TOPAZ1: variants seen among roughly 807,000 people sequenced by gnomAD.
The protein encoded by TOPAZ1 is protein TOPAZ1.
A neutral mutation model predicts 172.2 loss-of-function variants in TOPAZ1; 66 were observed. The observed-to-expected ratio is 0.38, with a 90% CI of 0.31 to 0.47. The LOEUF (loss-of-function observed/expected upper bound fraction) is 0.47, where lower values mean the gene tolerates loss of function less well. TOPAZ1 is among the 20% of genes least tolerant of loss of function. The probability of loss-of-function intolerance (pLI) is 0.99; values close to 1 mark genes in which losing one functional copy is unlikely to be tolerated. For missense variants in TOPAZ1, 1,822 were observed against 1,972.4 expected (o/e 0.92, Z 1.44); for synonymous variants, 681 against 683.9 (o/e 1.00, Z 0.07).
intron 16 of TOPAZ1, among the ~76,000 whole-genome samples, chr3:44,320,547 A>G (rs1403175250): frequency 1.3e-5 from 2 of 152,146 alleles, no homozygotes; most frequent in South Asian, 2.1e-4. Context: ...GCAGTGAGCC[A>G]AGATTGCGCC....
At chr3:44,308,468 T>TA (rs1186372596) in intron 15 of TOPAZ1, among the ~76,000 whole-genome samples, 1 of 152,212 alleles carries the variant, frequency 6.6e-6, no homozygotes, top group African/African-American at 2.4e-5. Context: ...CATCCTTTTT[T>TA]ATGGCTGCAT....
intron 18 of TOPAZ1, among the ~76,000 whole-genome samples, chr3:44,327,664 G>A (rs1404270993): frequency 6.6e-6 from 1 of 151,754 alleles, no homozygotes; most frequent in Non-Finnish European, 1.5e-5. Context: ...GTTTACTGTG[G>A]CTTGAAATAA....
rs1699518985 is a variant in TOPAZ1 at position 44,243,682 on chromosome 3, G to A, written c.1176G>A (p.Met392Ile). The A allele has an allele frequency of 6.5e-7, 1 of 1,549,810 alleles. No homozygotes were observed. The highest frequency in any genetic ancestry group is 1.4e-5 in the African/African-American group (1 of 72,916). ...RKVSHNTVSL[M>I]DHLLSVPETV... is the part of the protein sequence containing the mutation. ...TAAGCCATAATACAGTCTCTTTGAT[G>A]GATCATTTATTAAGTGTCCCAGAAA... is the stretch of plus-strand genomic sequence containing the variant. The change falls in exon 2 of 20, where the codon ATG becomes ATA. Residue 392 changes from methionine (M) to isoleucine (I), a missense_variant. This residue lies in a region of TOPAZ1 where 1,489 missense variants were observed against 1,490.8 expected (regional missense o/e 1.00). Coordinates refer to ENST00000309765, the MANE Select transcript of TOPAZ1 (RefSeq NM_001145030.2).
chr3:44,335,846 A>G (rs924779911), downstream of TOPAZ1, among the ~76,000 whole-genome samples: 49 of 152,182 alleles, frequency 3.2e-4, no homozygotes, highest in Admixed American at 3.2e-3. Context: ...AGGGCTTCAT[A>G]TAAAGGTTTT....
chr3:44,308,902 A>G (rs2129959), intron 15 of TOPAZ1, among the ~76,000 whole-genome samples: 70,083 of 152,050 alleles, frequency 0.46, 17,382 homozygotes, highest in East Asian at 0.8. Flanking sequence ...TTGACATCAT[A>G]ATAAGCATCT....
chr3:44,310,187 C>T (rs1194696345), intron 16 of TOPAZ1, among the ~76,000 whole-genome samples, 197 bp downstream of exon 16: 2 of 152,156 alleles, frequency 1.3e-5, no homozygotes, highest in African/African-American at 4.8e-5. Context: ...ATTATATAAG[C>T]CTTTGTTCAT....
chr3:44,329,523 T>C (rs76782129), intron 19 of TOPAZ1, among the ~76,000 whole-genome samples: 2,430 of 152,302 alleles, frequency 0.016, 33 homozygotes, highest in Non-Finnish European at 0.027. Context: ...GGGTCTTTTG[T>C]GACCTATATC....
At chr3:44,294,912 A>G (rs1188096061) in intron 12 of TOPAZ1, among the ~76,000 whole-genome samples, 1 of 152,234 alleles carries the variant, frequency 6.6e-6, no homozygotes, top group Non-Finnish European at 1.5e-5. Flanking sequence ...GACATTAGTG[A>G]CAATTTATAT....
intron 12 of TOPAZ1, among the ~76,000 whole-genome samples, chr3:44,293,928 C>G (rs1700167180): frequency 6.6e-6 from 1 of 152,166 alleles, no homozygotes; most frequent in Non-Finnish European, 1.5e-5. Flanking sequence ...GATAAAATCA[C>G]ATAAAGACAC....
At chr3:44,290,745 A>G in intron 11 of TOPAZ1, 26 bp from the exon 12 acceptor site, 1 of 1,433,956 alleles carries the variant, frequency 7.0e-7, no homozygotes, top group African/African-American at 1.4e-5. Flanking sequence ...TGTAAGAATA[A>G]CCACTCTTTC....
intron 11 of TOPAZ1, among the ~76,000 whole-genome samples, chr3:44,288,864 T>C (rs963171295): frequency 2.0e-5 from 3 of 152,210 alleles, no homozygotes; most frequent in Admixed American, 1.3e-4. Flanking sequence ...ATGGCTAATA[T>C]GGAGCCATCA....
chr3:44,257,350 GGGGTGTGTGTGTGT>G lies in TOPAZ1; in HGVS notation c.2955+1074_2955+1087del, dbSNP rs1434443509. On this transcript the variant is annotated intron_variant, in intron 4 of 19. Transcript: ENST00000309765. The stretch of plus-strand genomic sequence containing the variant: ...GACCTGTCTCAAAAAAGAAAACATA[GGGGTGTGTGTGTGT>G]GTGTGTGTGTGTGTGTGTGTGTGTG... 6.9e-5 allele frequency among the ~76,000 whole-genome samples: 5 copies of G among 72,466 alleles called. No individual in the cohort carries two copies. In the East Asian group the frequency reaches 1.5e-3, roughly 22 times the overall value. 47.5% of individuals were successfully genotyped at this position (72,466 alleles called of 152,430 possible).
At chr3:44,310,274 G>A (rs909238267) in intron 16 of TOPAZ1, among the ~76,000 whole-genome samples, 6 of 152,124 alleles carry the variant, frequency 3.9e-5, no homozygotes, top group East Asian at 1.9e-4. Flanking sequence ...CCAAGGCAGC[G>A]GATCACCTGA....
intron 16 of TOPAZ1, 122 bp from the exon 17 acceptor site, chr3:44,320,905 T>C: frequency 1.6e-6 from 1 of 610,626 alleles, no homozygotes; most frequent in Non-Finnish European, 2.7e-6. Context: ...TTATCTTCTC[T>C]GAGTACATAT....
At chr3:44,320,709 A>C (rs1392626503) in intron 16 of TOPAZ1, among the ~76,000 whole-genome samples, 1 of 152,258 alleles carries the variant, frequency 6.6e-6, no homozygotes. Context: ...ATTTTATGTT[A>C]AAGCAAATAT....
At chr3:44,321,565 G>C (rs1380507126) in intron 17 of TOPAZ1, among the ~76,000 whole-genome samples, 2 of 152,188 alleles carry the variant, frequency 1.3e-5, no homozygotes, top group Non-Finnish European at 2.9e-5. Flanking sequence ...AAACTTGAAA[G>C]AAATGGAGGA....
At chr3:44,251,574 G>A (rs1699631929) in intron 2 of TOPAZ1, among the ~76,000 whole-genome samples, 1 of 152,070 alleles carries the variant, frequency 6.6e-6, no homozygotes, top group African/African-American at 2.4e-5. Flanking sequence ...GAAATTATAG[G>A]TTTACGAAAA....
At position 44,254,023 on chromosome 3, in the gene TOPAZ1, T is replaced by C. The variant is rs529922882; in HGVS notation, c.2766-945T>C. 4.6e-5 allele frequency among the ~76,000 whole-genome samples: 7 copies of C among 152,370 alleles called. No homozygotes were observed. In the South Asian group the frequency reaches 1.4e-3, roughly 32 times the overall value. Reference sequence around the variant, plus strand: ...TGTATTTGAGTGGCTCCTATAAATGTAGTTTTCATCTGTTGGGCCTATGCT... The same window carrying C: ...TGTATTTGAGTGGCTCCTATAAATGCAGTTTTCATCTGTTGGGCCTATGCT... On this transcript the variant is annotated intron_variant, in intron 2 of 19. Coordinates refer to ENST00000309765, the MANE Select transcript of TOPAZ1 (RefSeq NM_001145030.2).
chr3:44,268,675 A>G (rs1184343822), intron 6 of TOPAZ1, among the ~76,000 whole-genome samples: 3 of 151,898 alleles, frequency 2.0e-5, no homozygotes, highest in East Asian at 3.9e-4. Context: ...GAGCCACCGC[A>G]CCAGACTGGT....
Sources: gnomAD v4.1 joint callset for allele counts (sites outside exome capture counted in the v4.1 genomes callset) on GRCh38, gnomAD v4.1.1 for gene constraint, gnomAD v4.1.1 regional missense constraint, MANE v1.5 for transcripts, NCBI Gene and HGNC (gene_info 2026-07-23, HGNC 2026-07-21) for gene names.